ARHGAP15: variants seen among roughly 807,000 people sequenced by gnomAD.
ARHGAP15 encodes rho GTPase-activating protein 15.
A neutral mutation model predicts 63.7 loss-of-function variants in ARHGAP15; 51 were observed. That is an observed-to-expected ratio of 0.80 (90% CI 0.64 to 1.01). The LOEUF is 1.01. Among genes scored for constraint, ARHGAP15 ranks in the 50% least tolerant of loss-of-function variants. The pLI is 0.00. For synonymous variants in ARHGAP15, 191 were observed against 193.8 expected (o/e 0.99, Z 0.12); for missense variants, 560 against 564.6 (o/e 0.99, Z 0.08).
At chr2:143,254,905 C>T (rs1680343510) in intron 6 of ARHGAP15, among the ~76,000 whole-genome samples, 1 of 151,622 alleles carries the variant, frequency 6.6e-6, no homozygotes, top group South Asian at 2.1e-4. Flanking sequence ...AATATAGGCC[C>T]TGTACTCCAA....
intron 8 of ARHGAP15, among the ~76,000 whole-genome samples, chr2:143,482,655 G>A (rs974564837): frequency 3.9e-5 from 6 of 152,166 alleles, no homozygotes; most frequent in Non-Finnish European, 5.9e-5. Flanking sequence ...ACAGAAAAGC[G>A]TAAACTGTTT....
intron 12 of ARHGAP15, 151 bp downstream of exon 12, chr2:143,624,418 T>A: frequency 1.1e-6 from 1 of 929,656 alleles, no homozygotes; most frequent in Non-Finnish European, 1.5e-6. Flanking sequence ...TGTGTTTTGA[T>A]GGCTTGTTTT....
chr2:143,542,076 G>C (rs1355581891), intron 10 of ARHGAP15, among the ~76,000 whole-genome samples: 1 of 152,182 alleles, frequency 6.6e-6, no homozygotes, highest in Non-Finnish European at 1.5e-5. Flanking sequence ...CTGAGCAATT[G>C]CGGGCACCCC....
At chr2:143,336,942 C>T (rs1684797416) in intron 6 of ARHGAP15, among the ~76,000 whole-genome samples, 1 of 151,926 alleles carries the variant, frequency 6.6e-6, no homozygotes, top group Non-Finnish European at 1.5e-5. Context: ...ATTCCTATCA[C>T]CAAGGAGTTT....
At chr2:143,204,055 A>G (rs1692227987) in intron 3 of ARHGAP15, among the ~76,000 whole-genome samples, 2 of 152,140 alleles carry the variant, frequency 1.3e-5, no homozygotes, top group Non-Finnish European at 2.9e-5. Flanking sequence ...ACTAAAAGTC[A>G]TCTTCCCTTG....
chr2:143,333,992 G>A (rs974365651), intron 6 of ARHGAP15, among the ~76,000 whole-genome samples: 5 of 152,152 alleles, frequency 3.3e-5, no homozygotes, highest in African/African-American at 1.2e-4. Flanking sequence ...TGTTAAGGTT[G>A]ATAAGTTGGG....
chr2:143,597,898 T>C (rs1160712058), intron 11 of ARHGAP15: 3 of 152,120 alleles, frequency 2.0e-5, no homozygotes, highest in Admixed American at 6.6e-5. Context: ...AAGATCAAGA[T>C]ACTAGCATCT....
At chr2:143,237,052 G>A (rs1693681765) in intron 5 of ARHGAP15, 2 of 152,112 alleles carry the variant, frequency 1.3e-5, no homozygotes, top group Non-Finnish European at 2.9e-5. Flanking sequence ...AGGATTGGGA[G>A]AAGAGATCAT....
In ARHGAP15 at chr2:143,233,081, A is replaced by C. The variant is rs76771372; in HGVS notation, c.384+4413A>C. 1.0e-3 allele frequency among the ~76,000 whole-genome samples: 152 copies of C among 152,286 alleles called. No homozygotes were observed. The East Asian group carries it at 0.024, about 24-fold the overall frequency. Reference sequence around the variant, plus strand: ...TCAATTTATCCCTTTCTCAATGTATATGTTATTACCATCTGGTGTTTTAAT... The same window carrying C: ...TCAATTTATCCCTTTCTCAATGTATCTGTTATTACCATCTGGTGTTTTAAT... On this transcript the variant is annotated intron_variant, in intron 5 of 13. Coordinates refer to ENST00000295095, the MANE Select transcript of ARHGAP15 (RefSeq NM_018460.4).
At chr2:143,586,619 T>A (rs1229169359) in intron 11 of ARHGAP15, among the ~76,000 whole-genome samples, 1 of 152,150 alleles carries the variant, frequency 6.6e-6, no homozygotes, top group Non-Finnish European at 1.5e-5. Flanking sequence ...CTGCTTTTCA[T>A]CTTTTTGAAT....
chr2:143,426,412 A>T (rs10928175), intron 6 of ARHGAP15, among the ~76,000 whole-genome samples: 20 of 152,058 alleles, frequency 1.3e-4, no homozygotes, highest in African/African-American at 3.9e-4. Flanking sequence ...TGAGACCTAC[A>T]GAAGTTGTGA....
At chr2:143,394,517 T>G (rs1473372746) in intron 6 of ARHGAP15, among the ~76,000 whole-genome samples, 1 of 152,222 alleles carries the variant, frequency 6.6e-6, no homozygotes, top group Non-Finnish European at 1.5e-5. Flanking sequence ...CAGAGGGATC[T>G]TTTAATGGTG....
chr2:143,172,559 A>C (rs1690831704), intron 2 of ARHGAP15, among the ~76,000 whole-genome samples: 1 of 152,088 alleles, frequency 6.6e-6, no homozygotes, highest in Admixed American at 6.6e-5. Context: ...GATGGAACAA[A>C]ACAATTAAAG....
chr2:143,375,139 T>C (rs1055933457), intron 6 of ARHGAP15, among the ~76,000 whole-genome samples: 1 of 152,202 alleles, frequency 6.6e-6, no homozygotes, highest in Non-Finnish European at 1.5e-5. Context: ...TACTGATATA[T>C]GACAGTTTAT....
At chr2:143,298,519 A>G (rs1682751943) in intron 6 of ARHGAP15, among the ~76,000 whole-genome samples, 1 of 152,006 alleles carries the variant, frequency 6.6e-6, no homozygotes, top group African/African-American at 2.4e-5. Context: ...ATTCCTAATA[A>G]TTATTTTCTA....
intron 13 of ARHGAP15, among the ~76,000 whole-genome samples, chr2:143,721,893 C>T (rs968789909): frequency 6.6e-6 from 1 of 152,106 alleles, no homozygotes; most frequent in African/African-American, 2.4e-5. Flanking sequence ...CACTGTATTG[C>T]GCAGGCTGTT....
At chr2:143,480,000 CATT>C in intron 8 of ARHGAP15, among the ~76,000 whole-genome samples, 1 of 152,026 alleles carries the variant, frequency 6.6e-6, no homozygotes. Context: ...TATCAATCAT[CATT>C]ATTACCATTA....
chr2:143,191,680 T>C (rs186000386), intron 2 of ARHGAP15, among the ~76,000 whole-genome samples: 11 of 152,344 alleles, frequency 7.2e-5, no homozygotes. Context: ...AGCTAAATCA[T>C]ACCACAGCAA....
At chr2:143,476,306 T>A (rs1036208313) in intron 8 of ARHGAP15, among the ~76,000 whole-genome samples, 6 of 152,180 alleles carry the variant, frequency 3.9e-5, no homozygotes, top group Admixed American at 1.3e-4. Flanking sequence ...TCTGGAATTC[T>A]TCCTACTCAT....
Sources: allele counts gnomAD v4.1 joint callset (sites outside exome capture counted in the v4.1 genomes callset), GRCh38; gene constraint gnomAD v4.1.1; transcripts MANE v1.5; gene names NCBI Gene and HGNC (gene_info 2026-07-23, HGNC 2026-07-21).